Variants in SAMMSON observed in about 807,000 individuals in gnomAD.
The protein encoded by SAMMSON is long intergenic non-protein coding RNA 1212.
At chr3:70,318,627 G>T (rs762464529) in intron 7 of SAMMSON, among the ~76,000 whole-genome samples, 1 of 151,770 alleles carries the variant, frequency 6.6e-6, no homozygotes, top group Non-Finnish European at 1.5e-5. Context: ...GTCTTCTATT[G>T]ACTGCTTGTT....
chr3:70,081,301 G>T (rs542685759), intron 4 of SAMMSON, among the ~76,000 whole-genome samples: 10 of 152,116 alleles, frequency 6.6e-5, no homozygotes, highest in Non-Finnish European at 1.5e-4. Flanking sequence ...TTTTAGTAGA[G>T]ACAGGGTTTC....
intron 4 of SAMMSON, among the ~76,000 whole-genome samples, chr3:70,098,714 AG>A (rs1303923675): frequency 1.3e-5 from 2 of 152,150 alleles, no homozygotes; most frequent in African/African-American, 4.8e-5. Flanking sequence ...GTGTACAAAA[AG>A]GTACAAAGGA....
chr3:70,320,330 G>A (rs1702527713), intron 7 of SAMMSON, among the ~76,000 whole-genome samples: 1 of 152,034 alleles, frequency 6.6e-6, no homozygotes, highest in South Asian at 2.1e-4. Context: ...TAGTAGGTGT[G>A]CTACCCAGGA....
intron 4 of SAMMSON, among the ~76,000 whole-genome samples, chr3:70,177,522 C>T (rs553681531): frequency 6.6e-6 from 1 of 152,314 alleles, no homozygotes; most frequent in South Asian, 2.1e-4. Context: ...GTCGAAGTAT[C>T]TAGATGGACA....
chr3:70,175,811 T>A (rs1028742710), intron 4 of SAMMSON, among the ~76,000 whole-genome samples: 1 of 152,128 alleles, frequency 6.6e-6, no homozygotes, highest in Non-Finnish European at 1.5e-5. Context: ...ACAAAATTTC[T>A]CTCTGACGAT....
chr3:70,027,971 C>T (rs1194421376), intron 3 of SAMMSON, among the ~76,000 whole-genome samples: 1 of 152,158 alleles, frequency 6.6e-6, no homozygotes, highest in Non-Finnish European at 1.5e-5. Context: ...CTTTGCAACA[C>T]ACAATTCAGC....
chr3:70,345,003 G>A (rs1365218350), intron 7 of SAMMSON, among the ~76,000 whole-genome samples: 1 of 152,016 alleles, frequency 6.6e-6, no homozygotes, highest in Non-Finnish European at 1.5e-5. Context: ...TTCTTAGTTG[G>A]CAGAGCAAAG....
At chr3:70,375,964 AT>A (rs1009110127) in intron 9 of SAMMSON, among the ~76,000 whole-genome samples, 3 of 152,140 alleles carry the variant, frequency 2.0e-5, no homozygotes, top group African/African-American at 7.2e-5. Flanking sequence ...GTTTGCAGAC[AT>A]TTTTAAAAAT....
At chr3:70,408,990 A>G (rs1701197269) in intron 2 of SAMMSON, among the ~76,000 whole-genome samples, 1 of 152,182 alleles carries the variant, frequency 6.6e-6, no homozygotes, top group Non-Finnish European at 1.5e-5. Context: ...AGGAAGGTGC[A>G]AAAGCGGAAA....
intron 4 of SAMMSON, among the ~76,000 whole-genome samples, chr3:70,135,168 G>T (rs976641982): frequency 9.9e-5 from 15 of 151,960 alleles, no homozygotes; most frequent in African/African-American, 2.4e-4. Context: ...GGTCTTATTG[G>T]TTTTTTCTCA....
chr3:70,226,390 T>G, intron 4 of SAMMSON, among the ~76,000 whole-genome samples: 1 of 152,094 alleles, frequency 6.6e-6, no homozygotes, highest in East Asian at 1.9e-4. Flanking sequence ...CCTATTCTGT[T>G]GGGTATAATA....
Position 70,039,592 on chromosome 3 carries a change from T to TACAC in SAMMSON, n.417+25920_417+25921insACAC, listed in dbSNP as rs1559778544. Among the ~76,000 whole-genome samples the TACAC allele has an allele frequency of 1.7e-3, 157 of 90,172 alleles. 1 individual carries two copies. The highest frequency in any genetic ancestry group is 6.5e-3 in the African/African-American group (154 of 23,630). The allele number at this position is 90,172 out of a possible 152,430, so 59.2% of individuals were successfully genotyped here. On this transcript the variant is annotated intron_variant and non_coding_transcript_variant, in intron 3 of 9. Coordinates refer to ENST00000642114, the Ensembl canonical transcript of SAMMSON. Reference sequence around the variant, plus strand: ...GATCCAATTCCTTAAAACACATCTCTTCACACACACACACACACACACACA... The same window carrying TACAC: ...GATCCAATTCCTTAAAACACATCTCTACACTCACACACACACACACACACACACA...
intron 7 of SAMMSON, among the ~76,000 whole-genome samples, chr3:70,322,938 C>T (rs1702548387): frequency 6.6e-6 from 1 of 151,922 alleles, no homozygotes; most frequent in Non-Finnish European, 1.5e-5. Context: ...TATACAAATT[C>T]TAAGGGGAAA....
chr3:70,251,445 A>C (rs1021378419), intron 6 of SAMMSON, among the ~76,000 whole-genome samples: 1 of 152,174 alleles, frequency 6.6e-6, no homozygotes, highest in African/African-American at 2.4e-5. Context: ...GTCTACTGGC[A>C]TAATAGTGGG....
chr3:70,117,171 A>G lies in SAMMSON; in HGVS notation n.507+45606A>G, dbSNP rs188460978. 2.0e-5 allele frequency among the ~76,000 whole-genome samples: 3 copies of G among 152,366 alleles called. No homozygotes were observed. The East Asian group carries it at 5.8e-4, about 29-fold the overall frequency. On this transcript the variant is annotated intron_variant and non_coding_transcript_variant, in intron 4 of 9. Coordinates refer to ENST00000642114, the Ensembl canonical transcript of SAMMSON. Reference sequence around the variant, plus strand: ...TATGTAAACTGTCACCAGAACCTCAAGGAAACTCTTTGCTCTTTCTCTGCC... The same window carrying G: ...TATGTAAACTGTCACCAGAACCTCAGGGAAACTCTTTGCTCTTTCTCTGCC...
chr3:70,145,472 A>G (rs2067544679), intron 4 of SAMMSON, among the ~76,000 whole-genome samples: 1 of 152,142 alleles, frequency 6.6e-6, no homozygotes, highest in South Asian at 2.1e-4. Flanking sequence ...ATCTTAGCAC[A>G]TTTAAAATAG....
At chr3:70,039,583 A>T (rs1491694) in intron 3 of SAMMSON, among the ~76,000 whole-genome samples, 65,407 of 147,354 alleles carry the variant, frequency 0.44, 14,971 homozygotes, top group East Asian at 0.63. Flanking sequence ...ATTCCTTAAA[A>T]CACATCTCTT....
At chr3:70,100,720 T>C (rs537509793) in intron 4 of SAMMSON, among the ~76,000 whole-genome samples, 1 of 152,292 alleles carries the variant, frequency 6.6e-6, no homozygotes, top group African/African-American at 2.4e-5. Flanking sequence ...AGGACATGCA[T>C]TGGGACATCT....
intron 7 of SAMMSON, chr3:70,302,775 A>C (rs141747063): frequency 1.3e-5 from 2 of 152,262 alleles, no homozygotes; most frequent in African/African-American, 4.8e-5. Context: ...ACTTATCGGG[A>C]CTTTGCACTG....
Sources: gnomAD v4.1 joint callset for allele counts (sites outside exome capture counted in the v4.1 genomes callset) on GRCh38, gnomAD v4.1.1 for gene constraint, MANE v1.5 for transcripts, NCBI Gene and HGNC (gene_info 2026-07-23, HGNC 2026-07-21) for gene names.